Variants in VPS29 observed in about 807,000 individuals in gnomAD.
The protein encoded by VPS29 is VPS29 retromer complex component, also known as vacuolar protein sorting-associated protein 29.
A neutral mutation model predicts 20.0 loss-of-function variants in VPS29; 2 were observed. The observed-to-expected ratio is 0.10, with a 90% CI of 0.04 to 0.31. VPS29 has a LOEUF of 0.31. VPS29 is among the 10% of genes least tolerant of loss of function. VPS29 has a pLI of 1.00. For missense variants in VPS29, 120 were observed against 215.3 expected (o/e 0.56, Z 2.77); for synonymous variants, 81 against 79.3 (o/e 1.02, Z -0.12).
chr12:110,493,191 T>C lies in VPS29; in HGVS notation c.236A>G (p.Gln79Arg), dbSNP rs776592356. The change falls in exon 3 of 4, where the codon CAG becomes CGG. Residue 79 changes from glutamine to arginine, a missense_variant. Physicochemically the swap from Gln to Arg is conservative, Grantham distance 43 (BLOSUM62 1). Transcript: ENST00000549578. ...TCCATGGATCAGACCAATTTTGAACTGTCCAACAGTCACAACTTTCTGTTC... is the reference window on the plus strand; with the variant it reads ...TCCATGGATCAGACCAATTTTGAACCGTCCAACAGTCACAACTTTCTGTTC... ...YPEQKVVTVG[Q>R]FKIGLIHGHQ... 6.4e-7 allele frequency: 1 copy of C among 1,569,124 alleles called. No homozygotes were observed. Among genetic ancestry groups the C allele is most frequent in the Non-Finnish European group, 8.6e-7 (1 of 1,157,798 alleles).
chr12:110,501,654 G>T (rs1429497752), intron 1 of VPS29: 2 of 1,528,136 alleles, frequency 1.3e-6, no homozygotes, highest in Non-Finnish European at 1.8e-6. Flanking sequence ...CCAACCAGCG[G>T]GAGGTGCTTT....
In VPS29 at chr12:110,496,192, T is replaced by C. The variant is rs2062903433; in HGVS notation, c.15A>G (p.Val5=). The C allele has an allele frequency of 1.9e-6, 3 of 1,605,744 alleles. No individual in the cohort carries two copies. Among genetic ancestry groups the C allele is most frequent in the Admixed American group, 1.7e-5 (1 of 59,838 alleles). ...GGTGTGGGATGTGCAGATCTCCTAA[T>C]ACCAACACCAACTTTAAAGTGTCAA... is the stretch of plus-strand genomic sequence containing the variant. MLVL[V]LGDLHIPHRC... The change falls in exon 2 of 4, where the codon GTA becomes GTG. Residue 5 remains valine, a synonymous_variant. Coordinates refer to ENST00000549578, the MANE Select transcript of VPS29 (RefSeq NM_016226.5).
chr12:110,494,476 G>C (rs1418594974), intron 2 of VPS29, among the ~76,000 whole-genome samples: 2 of 151,692 alleles, frequency 1.3e-5, no homozygotes, highest in African/African-American at 4.8e-5. Context: ...GGATGGTCTC[G>C]ATCTCCTGAC....
intron 1 of VPS29, chr12:110,499,635 GA>G: frequency 1.2e-6 from 1 of 845,566 alleles, no homozygotes; most frequent in Non-Finnish European, 1.7e-6. Flanking sequence ...GCAACAAAAA[GA>G]AACCAAAAAA....
chr12:110,495,406 CATA>C (rs1351605952), intron 2 of VPS29, among the ~76,000 whole-genome samples: 3 of 152,090 alleles, frequency 2.0e-5, no homozygotes, highest in Non-Finnish European at 2.9e-5. Flanking sequence ...GTGAAAAGTT[CATA>C]ATAAAAACTT....
chr12:110,501,807 C>T, intron 1 of VPS29: 1 of 1,144,300 alleles, frequency 8.7e-7, no homozygotes, highest in Non-Finnish European at 1.3e-6. Flanking sequence ...GGCCTTTTTA[C>T]CCCTTGGATG....
At chr12:110,501,844 C>A (rs1284039461) in intron 1 of VPS29, 1 of 1,321,430 alleles carries the variant, frequency 7.6e-7, no homozygotes, top group Non-Finnish European at 1.1e-6. Context: ...GGCCGGGATA[C>A]GAGACCTAGG....
intron 2 of VPS29, among the ~76,000 whole-genome samples, chr12:110,493,488 T>C (rs1263312439): frequency 6.6e-6 from 1 of 151,964 alleles, no homozygotes; most frequent in Non-Finnish European, 1.5e-5. Context: ...GCCTCCCAAG[T>C]AGCTGGGATT....
At chr12:110,501,447 A>C in intron 1 of VPS29, 2 of 1,535,500 alleles carry the variant, frequency 1.3e-6, no homozygotes, top group Non-Finnish European at 1.7e-6. Context: ...CGTGGAAAGA[A>C]ACAGTTCCAG....
intron 1 of VPS29, among the ~76,000 whole-genome samples, chr12:110,498,241 G>C (rs1565862861): frequency 6.6e-6 from 1 of 152,130 alleles, no homozygotes; most frequent in African/African-American, 2.4e-5. Context: ...CAAACTGCTA[G>C]GATTATAGGC....
At position 110,496,440 on chromosome 12, in the gene VPS29, C is replaced by T. The variant is rs960460822; in HGVS notation, c.4-237G>A. 1.6e-5 allele frequency: 6 copies of T among 382,216 alleles called. No individual in the cohort carries two copies. In the Admixed American group the frequency reaches 2.4e-4, roughly 15 times the overall value. 23.7% of individuals were successfully genotyped at this position (382,216 alleles called of 1,614,324 possible). A position where few individuals can be genotyped will look rare whatever the true frequency, so the allele number is the denominator to read the frequency against. ...ATTGATTGTATCATGACAATTTAAA[C>T]AGACATACTTATGGTAATGTACTTT... On this transcript the variant is annotated intron_variant, in intron 1 of 3. Coordinates refer to ENST00000549578, the MANE Select transcript of VPS29 (RefSeq NM_016226.5).
intron 1 of VPS29, among the ~76,000 whole-genome samples, chr12:110,500,753 T>A (rs1194392608): frequency 4.7e-5 from 4 of 85,072 alleles, no homozygotes. Flanking sequence ...AAACAATTGA[T>A]TTTTTTTTTT....
chr12:110,499,521 G>A (rs1254826946), intron 1 of VPS29: 4 of 1,612,412 alleles, frequency 2.5e-6, no homozygotes, highest in Non-Finnish European at 3.4e-6. Flanking sequence ...TAGGAGCTAA[G>A]TGAAGAAACT....
At chr12:110,501,275 G>T in intron 1 of VPS29, 1 of 1,060,168 alleles carries the variant, frequency 9.4e-7, no homozygotes. Context: ...CAAACTACTG[G>T]GGGTGAAGGG....
At chr12:110,497,431 G>C (rs2062926261) in intron 1 of VPS29, among the ~76,000 whole-genome samples, 1 of 150,850 alleles carries the variant, frequency 6.6e-6, no homozygotes, top group South Asian at 2.1e-4. Flanking sequence ...TGGCCAGGCT[G>C]GTCTGGAACT....
chr12:110,494,248 TA>T (rs1442577186), intron 2 of VPS29, among the ~76,000 whole-genome samples: 2 of 150,412 alleles, frequency 1.3e-5, no homozygotes, highest in African/African-American at 4.9e-5. Context: ...ACTATATGTA[TA>T]AATTTTTTTT....
At position 110,495,992 on chromosome 12, in the gene VPS29, G is replaced by A; in HGVS notation, c.195+20C>T. On this transcript the variant is annotated intron_variant, in intron 2 of 3. Transcript: ENST00000549578. ...ATCAAGAAAGGGAGATATTTGAGAA[G>A]GGAAAGGGAAATACATCACCTCATC... The A allele has an allele frequency of 6.7e-7, 1 of 1,490,440 alleles. No individual in the cohort carries two copies. Among genetic ancestry groups the A allele is most frequent in the Non-Finnish European group, 9.1e-7 (1 of 1,102,374 alleles). The allele number at this position is 1,490,440 out of a possible 1,614,324, so 92.3% of individuals were successfully genotyped here.
chr12:110,491,966 A>G lies in VPS29; in HGVS notation c.*39T>C, dbSNP rs1189140807. The G allele has an allele frequency of 1.1e-5, 16 of 1,456,770 alleles. No individual in the cohort carries two copies. The highest frequency in any genetic ancestry group is 4.8e-6 in the Non-Finnish European group (5 of 1,042,776). The allele number at this position is 1,456,770 out of a possible 1,614,324, so 90.2% of individuals were successfully genotyped here. ...TTTAATTACTTGATTTCAACAGGAC[A>G]ATGAAAAAAAACCAAAAATCATCAA... On this transcript the variant is annotated 3_prime_UTR_variant, in exon 4 of 4. Coordinates refer to ENST00000549578, the MANE Select transcript of VPS29 (RefSeq NM_016226.5).
rs138125557 is a variant in VPS29 at position 110,500,455 on chromosome 12, T to C, written c.3+1594A>G. ...CTCCCATGGATAGGTGTCTCGAAAT[T>C]ACTGTAAACGGATTACTTTAAATTG... On this transcript the variant is annotated intron_variant, in intron 1 of 3. Transcript: ENST00000549578. Among the ~76,000 whole-genome samples the C allele has an allele frequency of 1.5e-3, 229 of 152,288 alleles. 1 individual carries two copies. Among genetic ancestry groups the C allele is most frequent in the African/African-American group, 5.3e-3 (220 of 41,558 alleles).
Sources: gnomAD v4.1 joint callset for allele counts (sites outside exome capture counted in the v4.1 genomes callset) on GRCh38, gnomAD v4.1.1 for gene constraint, MANE v1.5 for transcripts, NCBI Gene and HGNC (gene_info 2026-07-23, HGNC 2026-07-21) for gene names.